MAF: variants seen among roughly 807,000 people sequenced by gnomAD.
The protein encoded by MAF is transcription factor Maf.
Under a neutral mutation model 22.0 loss-of-function variants are expected in MAF, and 10 were observed. That is an observed-to-expected ratio of 0.45 (90% CI 0.28 to 0.77). The LOEUF (loss-of-function observed/expected upper bound fraction) is 0.77. MAF is among the 30% of genes least tolerant of loss of function. MAF has a pLI of 0.12. For synonymous variants in MAF, 337 were observed against 255.8 expected, an observed-to-expected ratio of 1.32 and a Z score of -3.03; for missense variants, 544 against 548.4, an observed-to-expected ratio of 0.99 and a Z score of 0.08.
At chr16:79,211,016 T>G in the MAF span, among the ~76,000 whole-genome samples, 1 of 131,398 alleles carries the variant, frequency 7.6e-6, no homozygotes, top group Admixed American at 7.7e-5. Flanking sequence ...TTGTGCTAAG[T>G]ATGAATGTAT....
the MAF span, among the ~76,000 whole-genome samples, chr16:79,280,176 G>C: frequency 1.2e-4 from 18 of 152,194 alleles, no homozygotes; most frequent in African/African-American, 3.6e-4. Context: ...TCCAGAAAAG[G>C]TTAAGCCAGT....
the MAF span, chr16:79,204,037 T>A: frequency 2.6e-5 from 4 of 152,288 alleles, no homozygotes; most frequent in African/African-American, 9.6e-5. Flanking sequence ...ATCAGATTTG[T>A]TCCATGTAGA....
the MAF span, among the ~76,000 whole-genome samples, chr16:79,462,419 A>C: frequency 1.3e-5 from 2 of 152,170 alleles, no homozygotes; most frequent in Admixed American, 1.3e-4. Flanking sequence ...GACTACAGCA[A>C]CGAGTTTAGA....
At chr16:79,259,928 A>G in the MAF span, among the ~76,000 whole-genome samples, 2,065 of 152,160 alleles carry the variant, frequency 0.014, 29 homozygotes, top group Non-Finnish European at 0.022. Flanking sequence ...GGCAAGAGGC[A>G]TATGTGGGAA....
the MAF span, among the ~76,000 whole-genome samples, chr16:79,556,167 T>C: frequency 0.3 from 45,191 of 152,086 alleles, 6,894 homozygotes; most frequent in Admixed American, 0.37. Context: ...TTGTATAAGA[T>C]ATTACAAGCA....
At chr16:79,432,777 G>C in the MAF span, among the ~76,000 whole-genome samples, 1 of 152,124 alleles carries the variant, frequency 6.6e-6, no homozygotes, top group Admixed American at 6.6e-5. Context: ...TGAATGTGAA[G>C]GTGGAGATCA....
the MAF span, among the ~76,000 whole-genome samples, chr16:79,500,928 C>T: frequency 5.3e-5 from 8 of 152,068 alleles, no homozygotes; most frequent in Non-Finnish European, 8.8e-5. Flanking sequence ...GAAAATTCAC[C>T]GCCATATTTT....
the MAF span, chr16:79,211,736 G>C: frequency 6.2e-7 from 1 of 1,614,220 alleles, no homozygotes; most frequent in African/African-American, 1.3e-5. Context: ...AGACGGCCCG[G>C]ACCCTGTGGG....
the MAF span, among the ~76,000 whole-genome samples, chr16:79,446,000 A>G: frequency 6.6e-6 from 1 of 152,172 alleles, no homozygotes; most frequent in Non-Finnish European, 1.5e-5. Flanking sequence ...ATGACCTCTC[A>G]TGAAGTGTCA....
chr16:79,231,174 A>C, the MAF span, among the ~76,000 whole-genome samples: 1 of 152,058 alleles, frequency 6.6e-6, no homozygotes, highest in Non-Finnish European at 1.5e-5. Context: ...TCTGGGGACC[A>C]GGAAGCTCAA....
chr16:79,578,032 T>C, the MAF span, among the ~76,000 whole-genome samples: 1 of 152,164 alleles, frequency 6.6e-6, no homozygotes, highest in Non-Finnish European at 1.5e-5. Flanking sequence ...GTAAAAGTAT[T>C]TCCCAATTTC....
At chr16:79,488,318 A>G in the MAF span, among the ~76,000 whole-genome samples, 1 of 152,178 alleles carries the variant, frequency 6.6e-6, no homozygotes, top group Non-Finnish European at 1.5e-5. Context: ...TTGGGTGTCC[A>G]GAAATGTTAG....
the MAF span, among the ~76,000 whole-genome samples, chr16:79,224,280 T>C: frequency 2.6e-5 from 4 of 152,332 alleles, no homozygotes; most frequent in South Asian, 8.3e-4. Flanking sequence ...TCGCAATAGA[T>C]GCAGAAAAGG....
chr16:79,363,648 C>T, the MAF span, among the ~76,000 whole-genome samples: 5 of 152,040 alleles, frequency 3.3e-5, no homozygotes, highest in African/African-American at 1.2e-4. Flanking sequence ...AATTACAATA[C>T]AACGAAATTG....
At chr16:79,319,508 T>C in the MAF span, among the ~76,000 whole-genome samples, 2 of 152,218 alleles carry the variant, frequency 1.3e-5, no homozygotes, top group Non-Finnish European at 2.9e-5. Context: ...TTTGTGAAAG[T>C]GCTCATTTAC....
the MAF span, among the ~76,000 whole-genome samples, chr16:79,311,487 T>C: frequency 1.4e-5 from 2 of 141,242 alleles, no homozygotes; most frequent in East Asian, 5.0e-4. Flanking sequence ...CATGGGAATA[T>C]TGTTTTCTTT....
chr16:79,472,838 C>A, the MAF span, among the ~76,000 whole-genome samples: 46 of 151,946 alleles, frequency 3.0e-4, no homozygotes, highest in East Asian at 8.4e-3. Context: ...AAAGAAAAAA[C>A]CCTGCCATGG....
At chr16:79,454,171 C>T in the MAF span, among the ~76,000 whole-genome samples, 8 of 152,246 alleles carry the variant, frequency 5.3e-5, no homozygotes, top group Non-Finnish European at 8.8e-5. Context: ...TAAGCGATTG[C>T]TAAAGATAAG....
chr16:79,568,679 T>C, the MAF span, among the ~76,000 whole-genome samples: 1 of 152,340 alleles, frequency 6.6e-6, no homozygotes, highest in East Asian at 1.9e-4. Flanking sequence ...CTGCTGTTCC[T>C]GAGTCCTTGC....
Sources: gnomAD v4.1 joint callset for allele counts (sites outside exome capture counted in the v4.1 genomes callset) on GRCh38, gnomAD v4.1.1 for gene constraint, MANE v1.5 for transcripts, NCBI Gene and HGNC (gene_info 2026-07-23, HGNC 2026-07-21) for gene names.